USP15: variants seen among roughly 807,000 people sequenced by gnomAD.
USP15 encodes the protein ubiquitin specific peptidase 15.
In USP15, 18 loss-of-function variants were observed where a neutral mutation model predicts 127.1. The ratio of observed to expected loss-of-function variants is 0.14; its 90% CI spans 0.10 to 0.21. The LOEUF (loss-of-function observed/expected upper bound fraction) is 0.21, where lower values mean the gene tolerates loss of function less well. Ranked by LOEUF, USP15 falls within the 10% of genes least tolerant of loss-of-function variation. The pLI, the probability that USP15 is intolerant of heterozygous loss-of-function variation, is 1.00. For missense variants in USP15, 805 were observed against 1,159.9 expected (o/e 0.69, Z 4.44); for synonymous variants, 364 against 393.7 (o/e 0.92, Z 0.89).
intron 19 of USP15, 79 bp downstream of exon 19, chr12:62,393,281 A>G: frequency 6.6e-7 from 1 of 1,513,172 alleles, no homozygotes; most frequent in Non-Finnish European, 8.9e-7. Context: ...ATTATCCTTT[A>G]GTAAACATCA....
chr12:62,388,257 C>G (rs1056941988), intron 11 of USP15, among the ~76,000 whole-genome samples: 1 of 151,588 alleles, frequency 6.6e-6, no homozygotes, highest in Non-Finnish European at 1.5e-5. Context: ...CTCAGACTCC[C>G]AAGTAGCTGG....
chr12:62,368,847 A>G (rs1230372826), intron 8 of USP15, among the ~76,000 whole-genome samples: 1 of 152,204 alleles, frequency 6.6e-6, no homozygotes, highest in Non-Finnish European at 1.5e-5. Flanking sequence ...TCCTGTCATT[A>G]CGATAGTAAC....
In USP15 at chr12:62,405,737, A is replaced by G. The variant is rs2067845914; in HGVS notation, c.*1362A>G. The G allele has an allele frequency of 2.0e-5, 3 of 152,626 alleles. No individual in the cohort carries two copies. In the South Asian group the frequency reaches 6.2e-4, roughly 32 times the overall value. The allele number at this position is 152,626 out of a possible 1,614,324, so 9.5% of individuals were successfully genotyped here. A position where few individuals can be genotyped will look rare whatever the true frequency, so the allele number is the denominator to read the frequency against. ...TCCCACTGTTATTAAAGCAAAAAGT[A>G]TAATGTTCTTCACTTGAACTAATCA... On this transcript the variant is annotated 3_prime_UTR_variant, in exon 22 of 22. Transcript: ENST00000280377.
chr12:62,398,759 TC>T (rs1486623750), intron 20 of USP15, among the ~76,000 whole-genome samples: 1 of 152,206 alleles, frequency 6.6e-6, no homozygotes, highest in African/African-American at 2.4e-5. Context: ...GATACAGAGT[TC>T]TTTATATCTC....
In USP15 at chr12:62,415,661, C is replaced by T. The variant is rs1007724671; in HGVS notation, c.*11286C>T. ...GGTGAGCAACCTGATTAGAAGGGAA[C>T]AATGTGACTTAAAACTGCATATTTG... On this transcript the variant is annotated 3_prime_UTR_variant, in exon 22 of 22. Coordinates refer to ENST00000280377, the MANE Select transcript of USP15 (RefSeq NM_001252078.2). 2 of 152,166 alleles carry T rather than the reference C, an allele frequency of 1.3e-5. No individual in the cohort carries two copies. Among genetic ancestry groups the T allele is most frequent in the Admixed American group, 6.5e-5 (1 of 15,272 alleles). 9.4% of individuals were successfully genotyped at this position (152,166 alleles called of 1,614,324 possible).
chr12:62,387,775 A>G (rs573830656), intron 11 of USP15, among the ~76,000 whole-genome samples: 6 of 152,212 alleles, frequency 3.9e-5, no homozygotes, highest in East Asian at 3.9e-4. Flanking sequence ...AGGGAAAGCA[A>G]TGAGGTACCC....
intron 1 of USP15, among the ~76,000 whole-genome samples, chr12:62,289,594 A>G (rs557792094): frequency 6.6e-6 from 1 of 151,086 alleles, no homozygotes; most frequent in South Asian, 2.1e-4. Context: ...TTTTGGTCTC[A>G]GTGTCACTTA....
Position 62,260,498 on chromosome 12 carries a change from C to T in USP15, c.84C>T (p.Asp28=). The T allele has an allele frequency of 1.9e-6, 3 of 1,551,268 alleles. No individual in the cohort carries two copies. The South Asian group carries it at 3.6e-5, about 18-fold the overall frequency. ...TLLKTSLRKG[D]TWYLVDSRWF... ...TCAAAACCTCGCTCCGGAAAGGGGA[C>T]ACCTGGTAAGAGAAAGGGGTTGAGA... The change falls in exon 1 of 22, where the codon GAC becomes GAT. Residue 28 remains aspartate, a synonymous_variant. Coordinates refer to ENST00000280377, the MANE Select transcript of USP15 (RefSeq NM_001252078.2).
Position 62,325,883 on chromosome 12 carries a change from A to G in USP15, c.633A>G (p.Ile211Met). Reference sequence around the variant, plus strand: ...TGTCATATTTGCAGGTATTAGTGATAGAACAGAAAAATGAAGATGGAACAT... The same window carrying G: ...TGTCATATTTGCAGGTATTAGTGATGGAACAGAAAAATGAAGATGGAACAT... ...AGLYQGQVLV[I>M]EQKNEDGTWP... Residue 211 changes from isoleucine to methionine, a missense_variant, in exon 6 of 22, where the codon ATA becomes ATG. Around this residue, in one of 11 missense-constraint regions of USP15, gnomAD observed 84 missense variants for 107.7 expected, o/e 0.78. Coordinates refer to ENST00000280377, the MANE Select transcript of USP15 (RefSeq NM_001252078.2). 6.2e-7 allele frequency: 1 copy of G among 1,610,466 alleles called. No individual in the cohort carries two copies.
intron 1 of USP15, among the ~76,000 whole-genome samples, chr12:62,262,960 C>G (rs1261962042): frequency 1.3e-5 from 2 of 152,142 alleles, no homozygotes; most frequent in Non-Finnish European, 2.9e-5. Context: ...CTGGGAGTTG[C>G]AGAAACCAGT....
chr12:62,362,241 G>A (rs939060352), intron 8 of USP15, among the ~76,000 whole-genome samples: 1 of 151,766 alleles, frequency 6.6e-6, no homozygotes, highest in Non-Finnish European at 1.5e-5. Context: ...TGTTTTTTGT[G>A]GTAAAATATA....
At position 62,407,033 on chromosome 12, in the gene USP15, C is replaced by G. The variant is rs1338056908; in HGVS notation, c.*2658C>G. On this transcript the variant is annotated 3_prime_UTR_variant, in exon 22 of 22. Coordinates refer to ENST00000280377, the MANE Select transcript of USP15 (RefSeq NM_001252078.2). The stretch of plus-strand genomic sequence containing the variant: ...TATATCTAGACTAGAATTTCTACTT[C>G]TAGCTTTGCCACTTAGCAATCATAT... 2 of 151,958 alleles carry G rather than the reference C, an allele frequency of 1.3e-5. No homozygotes were observed. Among genetic ancestry groups the G allele is most frequent in the Admixed American group, 1.3e-4 (2 of 15,256 alleles). 9.4% of individuals were successfully genotyped at this position (151,958 alleles called of 1,614,324 possible).
rs965103490 is a variant in USP15, at chr12:62,406,808, A to AT, written c.*2442dup. The AT allele has an allele frequency of 8.6e-5, 13 of 151,278 alleles. No individual in the cohort carries two copies. Among genetic ancestry groups the AT allele is most frequent in the Admixed American group, 2.0e-4 (3 of 15,132 alleles). 9.4% of individuals were successfully genotyped at this position (151,278 alleles called of 1,614,324 possible). A position where few individuals can be genotyped will look rare whatever the true frequency, so the allele number is the denominator to read the frequency against. On this transcript the variant is annotated 3_prime_UTR_variant, in exon 22 of 22. Transcript: ENST00000280377. ...GAACCTCATCTGTACAAATATATGTATTTTTTTTTAATTAGCTGGGTGTGC... is the reference window on the plus strand; with the variant it reads ...GAACCTCATCTGTACAAATATATGTATTTTTTTTTTAATTAGCTGGGTGTGC...
In USP15 at chr12:62,412,614, C is replaced by G. The variant is rs1402286497; in HGVS notation, c.*8239C>G. ...CACCAGGAGAAGACTTTCCCCCCTT[C>G]TTTTCACAGATGTTGAGATTGTCAA... On this transcript the variant is annotated 3_prime_UTR_variant, in exon 22 of 22. Coordinates refer to ENST00000280377, the MANE Select transcript of USP15 (RefSeq NM_001252078.2). 6.5e-6 allele frequency: 1 copy of G among 154,908 alleles called. No homozygotes were observed. The highest frequency in any genetic ancestry group is 1.9e-4 in the East Asian group (1 of 5,364). The allele number at this position is 154,908 out of a possible 1,614,324, so 9.6% of individuals were successfully genotyped here.
chr12:62,264,063 C>A lies in USP15; in HGVS notation c.89+3560C>A, dbSNP rs138795243. ...GAGTACAGTGCGTGGTCTCGGCTCA[C>A]CGCAACCACCTCCAGGGTTCAAGTG... On this transcript the variant is annotated intron_variant, in intron 1 of 21. Coordinates refer to ENST00000280377, the MANE Select transcript of USP15 (RefSeq NM_001252078.2). Among the ~76,000 whole-genome samples the A allele has an allele frequency of 3.7e-3, 565 of 152,292 alleles. 5 individuals are homozygous for A. Among genetic ancestry groups the A allele is most frequent in the African/African-American group, 0.013 (531 of 41,558 alleles).
intron 2 of USP15, among the ~76,000 whole-genome samples, chr12:62,298,134 TC>T (rs1251864938): frequency 6.6e-6 from 1 of 152,002 alleles, no homozygotes. Flanking sequence ...ATAAAGGAAG[TC>T]CAAGTGACTT....
intron 8 of USP15, among the ~76,000 whole-genome samples, chr12:62,377,092 G>A: frequency 6.6e-6 from 1 of 151,792 alleles, no homozygotes; most frequent in Non-Finnish European, 1.5e-5. Context: ...ATACATTTAG[G>A]GGGTACATGA....
At chr12:62,291,924 T>C (rs1165574820) in intron 1 of USP15, among the ~76,000 whole-genome samples, 1 of 152,176 alleles carries the variant, frequency 6.6e-6, no homozygotes, top group Non-Finnish European at 1.5e-5. Flanking sequence ...TGTTACCAGA[T>C]TGGGTTGTGC....
intron 1 of USP15, among the ~76,000 whole-genome samples, chr12:62,279,980 C>T (rs1199336301): frequency 2.6e-5 from 4 of 152,066 alleles, no homozygotes; most frequent in Admixed American, 2.0e-4. Flanking sequence ...TTAATCACAG[C>T]TTTGACACTT....
Sources: gnomAD v4.1 joint callset for allele counts (sites outside exome capture counted in the v4.1 genomes callset) on GRCh38, gnomAD v4.1.1 for gene constraint, gnomAD v4.1.1 regional missense constraint, MANE v1.5 for transcripts, NCBI Gene and HGNC (gene_info 2026-07-23, HGNC 2026-07-21) for gene names.